Variants in FAM135B observed in about 807,000 individuals in gnomAD.
FAM135B encodes the protein family with sequence similarity 135 member B, also known as protein FAM135B.
FAM135B carries 43 observed loss-of-function variants against 127.7 expected under a neutral mutation model. That is an observed-to-expected ratio of 0.34 (90% CI 0.26 to 0.43). The LOEUF is 0.43. FAM135B is among the 20% of genes least tolerant of loss of function. FAM135B has a pLI of 1.00. For synonymous variants in FAM135B, 670 were observed against 665.1 expected (o/e 1.01, Z -0.11); for missense variants, 1,558 against 1,725.6 (o/e 0.90, Z 1.72).
chr8:138,443,737 C>A (rs1286206140), intron 1 of FAM135B, among the ~76,000 whole-genome samples: 1 of 152,138 alleles, frequency 6.6e-6, no homozygotes, highest in Non-Finnish European at 1.5e-5. Context: ...TACTTTATGT[C>A]AGGTAAGACG....
chr8:138,324,818 A>G (rs981715499), intron 2 of FAM135B, among the ~76,000 whole-genome samples: 3 of 152,202 alleles, frequency 2.0e-5, no homozygotes, highest in Admixed American at 1.3e-4. Context: ...ACTATACAAT[A>G]CACCCTATCC....
In FAM135B at chr8:138,130,358, C is replaced by T. The variant is rs1488249167; in HGVS notation, c.*2235G>A. 6.6e-6 allele frequency: 1 copy of T among 152,040 alleles called. No homozygotes were observed. Among genetic ancestry groups the T allele is most frequent in the Non-Finnish European group, 1.5e-5 (1 of 68,016 alleles). The allele number at this position is 152,040 out of a possible 1,614,324, so 9.4% of individuals were successfully genotyped here. The stretch of plus-strand genomic sequence containing the variant: ...TTTCTACACAATTATAATAGATGCT[C>T]AGAGGCCAGAGAGGGTTTACAAAGA... On this transcript the variant is annotated 3_prime_UTR_variant, in exon 20 of 20. Transcript: ENST00000395297.
At chr8:138,354,127 T>C (rs1252931750) in intron 2 of FAM135B, among the ~76,000 whole-genome samples, 3 of 152,092 alleles carry the variant, frequency 2.0e-5, no homozygotes, top group East Asian at 3.9e-4. Flanking sequence ...CCACGCCAGC[T>C]GTCATCCTCT....
chr8:138,411,963 AC>A (rs1268262783), intron 1 of FAM135B, among the ~76,000 whole-genome samples: 2 of 152,202 alleles, frequency 1.3e-5, no homozygotes, highest in East Asian at 1.9e-4. Flanking sequence ...TAATGCAGGA[AC>A]AAAAAACCAA....
chr8:138,185,592 G>A (rs559658076), intron 9 of FAM135B, among the ~76,000 whole-genome samples: 2 of 152,316 alleles, frequency 1.3e-5, no homozygotes, highest in African/African-American at 4.8e-5. Context: ...GTCAGAAGCT[G>A]CTCACTGATG....
chr8:138,245,544 C>T (rs554964419), intron 6 of FAM135B, among the ~76,000 whole-genome samples: 1 of 152,272 alleles, frequency 6.6e-6, no homozygotes, highest in South Asian at 2.1e-4. Flanking sequence ...ATGTTTGCCT[C>T]CCCTTCCACC....
intron 4 of FAM135B, among the ~76,000 whole-genome samples, chr8:138,260,279 G>A (rs886645521): frequency 4.6e-5 from 7 of 152,242 alleles, no homozygotes; most frequent in South Asian, 2.1e-4. Flanking sequence ...GGGCTGAGTC[G>A]CAACTGTTTA....
At chr8:138,313,854 G>T (rs968494785) in intron 2 of FAM135B, among the ~76,000 whole-genome samples, 5 of 150,842 alleles carry the variant, frequency 3.3e-5, no homozygotes, top group African/African-American at 1.2e-4. Flanking sequence ...AACACTCACA[G>T]CACCTTTGTG....
intron 7 of FAM135B, among the ~76,000 whole-genome samples, chr8:138,201,971 C>T (rs4909750): frequency 0.74 from 112,768 of 151,786 alleles, 42,289 homozygotes; most frequent in East Asian, 0.83. Context: ...GCTAAAAATG[C>T]AAAATTAGTC....
chr8:138,427,358 A>G (rs1834950476), intron 1 of FAM135B, among the ~76,000 whole-genome samples: 1 of 151,556 alleles, frequency 6.6e-6, no homozygotes, highest in Non-Finnish European at 1.5e-5. Context: ...AAAATACTTA[A>G]AAGTTTGTTA....
chr8:138,212,791 T>C (rs1377864101), intron 7 of FAM135B, among the ~76,000 whole-genome samples: 6 of 152,238 alleles, frequency 3.9e-5, no homozygotes, highest in African/African-American at 1.2e-4. Flanking sequence ...AGTTGGCAAA[T>C]TGGATTCTTA....
At chr8:138,448,428 T>C (rs2131579458) in intron 1 of FAM135B, among the ~76,000 whole-genome samples, 2 of 152,296 alleles carry the variant, frequency 1.3e-5, no homozygotes, top group South Asian at 4.2e-4. Context: ...TTAGATTAGC[T>C]TGAGACCTTG....
intron 2 of FAM135B, among the ~76,000 whole-genome samples, chr8:138,332,926 G>A (rs1828295048): frequency 6.6e-6 from 1 of 151,788 alleles, no homozygotes; most frequent in African/African-American, 2.4e-5. Flanking sequence ...GCTGACCAGG[G>A]TGCTGTCCTC....
intron 1 of FAM135B, among the ~76,000 whole-genome samples, chr8:138,395,161 A>G (rs1297424776): frequency 1.3e-5 from 2 of 152,168 alleles, no homozygotes; most frequent in African/African-American, 4.8e-5. Context: ...TACTTATCTA[A>G]TAAGACTGCA....
At chr8:138,247,270 T>A (rs956741479) in intron 6 of FAM135B, among the ~76,000 whole-genome samples, 2 of 152,214 alleles carry the variant, frequency 1.3e-5, no homozygotes, top group Non-Finnish European at 2.9e-5. Flanking sequence ...TGGAATGATA[T>A]GGTTTGGCTA....
intron 1 of FAM135B, among the ~76,000 whole-genome samples, chr8:138,390,191 G>T (rs774995707): frequency 6.6e-6 from 1 of 152,010 alleles, no homozygotes; most frequent in Non-Finnish European, 1.5e-5. Context: ...GTCTGATATC[G>T]CCCGGCCTTG....
intron 3 of FAM135B, among the ~76,000 whole-genome samples, chr8:138,278,332 C>T (rs1214353521): frequency 6.6e-6 from 1 of 151,544 alleles, no homozygotes; most frequent in Non-Finnish European, 1.5e-5. Flanking sequence ...CATCCACTAC[C>T]TGAAAGTCAC....
At chr8:138,371,734 T>C (rs2946547) in intron 1 of FAM135B, among the ~76,000 whole-genome samples, 151,158 of 152,266 alleles carry the variant, frequency 0.99, 75,038 homozygotes, top group East Asian at 1. Context: ...ATACACACAA[T>C]ATACCCAACC....
intron 3 of FAM135B, among the ~76,000 whole-genome samples, chr8:138,290,247 G>A (rs760817769): frequency 1.3e-4 from 20 of 152,156 alleles, no homozygotes; most frequent in Non-Finnish European, 2.5e-4. Flanking sequence ...TCTGTTAGAG[G>A]AGCAAGGACT....
Sources: allele counts gnomAD v4.1 joint callset (sites outside exome capture counted in the v4.1 genomes callset), GRCh38; gene constraint gnomAD v4.1.1; transcripts MANE v1.5; gene names NCBI Gene and HGNC (gene_info 2026-07-23, HGNC 2026-07-21).